DGCR8: variants seen among roughly 807,000 people sequenced by gnomAD.
DGCR8 encodes the protein microprocessor complex subunit DGCR8.
Under a neutral mutation model 78.5 loss-of-function variants are expected in DGCR8, and 14 were observed. The observed-to-expected ratio is 0.18, with a 90% confidence interval of 0.12 to 0.28. The LOEUF is 0.28. DGCR8 is among the 10% of genes least tolerant of loss of function. DGCR8 has a pLI of 1.00. For synonymous variants in DGCR8, 399 were observed against 402.4 expected, an observed-to-expected ratio of 0.99 and a Z score of 0.10; for missense variants, 702 against 1,022.5, an observed-to-expected ratio of 0.69 and a Z score of 4.28.
At chr22:20,091,271 G>A (rs2049555924) in intron 5 of DGCR8, among the ~76,000 whole-genome samples, 164 bp from the exon 6 acceptor site, 1 of 152,246 alleles carries the variant, frequency 6.6e-6, no homozygotes, top group African/African-American at 2.4e-5. Context: ...AATAATCTGA[G>A]CTGGTGTAGG....
In DGCR8 at chr22:20,090,177, G is replaced by C. The variant is rs2049537773; in HGVS notation, c.1225G>C (p.Asp409His). ...GADPGPPDEKDPLGAEAAPGA... is the reference protein window; with the variant it reads ...GADPGPPDEKHPLGAEAAPGA... Reference sequence around the variant, plus strand: ...TGACCCGGGGCCCCCGGACGAGAAAGACCCACTAGGGGCTGAGGCAGCCCC... The same window carrying C: ...TGACCCGGGGCCCCCGGACGAGAAACACCCACTAGGGGCTGAGGCAGCCCC... The change falls in exon 5 of 14, where the codon GAC becomes CAC. Residue 409 changes from aspartate (D) to histidine (H), a missense_variant. Physicochemically the swap from Asp to His is moderately conservative, Grantham distance 81. Around this residue, in one of 4 missense-constraint regions of DGCR8, gnomAD observed 119 missense variants for 126.1 expected, o/e 0.94. Transcript: ENST00000351989. The C allele has an allele frequency of 6.2e-7, 1 of 1,614,136 alleles. No individual in the cohort carries two copies. Among genetic ancestry groups the C allele is most frequent in the Admixed American group, 1.7e-5 (1 of 60,012 alleles).
rs1568952841 is a variant in DGCR8 at position 20,087,518 on chromosome 22, C to T, written c.880+197C>T. Reference sequence around the variant, plus strand: ...CTGATGCATGACCCAGATGCGGATCCTGGTGTGTGCTATGGAAACCACAGA... The same window carrying T: ...CTGATGCATGACCCAGATGCGGATCTTGGTGTGTGCTATGGAAACCACAGA... On this transcript the variant is annotated intron_variant, in intron 3 of 13. Transcript: ENST00000351989. The surrounding 1 kb of genome is among the most constrained non-coding windows in gnomAD (Gnocchi z 4.1). Among the ~76,000 whole-genome samples the T allele has an allele frequency of 6.6e-6, 1 of 152,054 alleles. No individual in the cohort carries two copies. The highest frequency in any genetic ancestry group is 1.5e-5 in the Non-Finnish European group (1 of 68,014).
At chr22:20,102,619 T>C (rs1320523665) in intron 9 of DGCR8, among the ~76,000 whole-genome samples, 1 of 152,204 alleles carries the variant, frequency 6.6e-6, no homozygotes, top group Non-Finnish European at 1.5e-5. Context: ...CCCTCACACC[T>C]TTCTCAGTCA....
intron 9 of DGCR8, among the ~76,000 whole-genome samples, chr22:20,103,492 C>T (rs917186195): frequency 2.0e-5 from 3 of 152,160 alleles, no homozygotes; most frequent in Non-Finnish European, 2.9e-5. Context: ...GTTTTCTTCT[C>T]TAATTTGTTA....
Position 20,110,388 on chromosome 22 carries a change from C to T in DGCR8, c.*280C>T, listed in dbSNP as rs914462237. 3 of 430,932 alleles carry T rather than the reference C, an allele frequency of 7.0e-6. No individual in the cohort carries two copies. The highest frequency in any genetic ancestry group is 8.4e-5 in the South Asian group (2 of 23,734). The allele number at this position is 430,932 out of a possible 1,614,324, so 26.7% of individuals were successfully genotyped here. ...GCTGGTGACTGTGGACAGTGGTGGACCCTGCTTCTGTGCACCTGCTGCAGG... is the reference window on the plus strand; with the variant it reads ...GCTGGTGACTGTGGACAGTGGTGGATCCTGCTTCTGTGCACCTGCTGCAGG... On this transcript the variant is annotated 3_prime_UTR_variant, in exon 14 of 14. Coordinates refer to ENST00000351989, the MANE Select transcript of DGCR8 (RefSeq NM_022720.7).
At chr22:20,101,983 T>C in intron 9 of DGCR8, 1 of 985,408 alleles carries the variant, frequency 1.0e-6, no homozygotes, top group Non-Finnish European at 1.2e-6. Flanking sequence ...ATCATTTCCT[T>C]TTCACAAAGC....
intron 9 of DGCR8, among the ~76,000 whole-genome samples, chr22:20,103,565 G>A (rs2049731276): frequency 6.6e-6 from 1 of 152,014 alleles, no homozygotes; most frequent in Non-Finnish European, 1.5e-5. Flanking sequence ...CTTGGGCATG[G>A]TATATGTTCC....
At chr22:20,100,989 A>G (rs1193542080) in intron 9 of DGCR8, among the ~76,000 whole-genome samples, 1 of 152,096 alleles carries the variant, frequency 6.6e-6, no homozygotes, top group Non-Finnish European at 1.5e-5. Context: ...CTCAGGAAAA[A>G]TTTTACTTAT....
intron 9 of DGCR8, chr22:20,100,169 C>G (rs4276104): frequency 5.6e-6 from 1 of 177,378 alleles, no homozygotes; most frequent in South Asian, 1.9e-4. Context: ...TGGGTTCAAG[C>G]GATTCTTCTG....
At chr22:20,093,658 C>A (rs1293381940) in intron 8 of DGCR8, among the ~76,000 whole-genome samples, 1 of 152,228 alleles carries the variant, frequency 6.6e-6, no homozygotes. Context: ...CCTGAGTCCT[C>A]CCACTCCATG....
In DGCR8 at chr22:20,090,134, G is replaced by A. The variant is rs201826893; in HGVS notation, c.1182G>A (p.Glu394=). 1.9e-6 allele frequency: 3 copies of A among 1,614,250 alleles called. No homozygotes were observed. Among genetic ancestry groups the A allele is most frequent in the East Asian group, 4.5e-5 (2 of 44,880 alleles). Residue 394 remains glutamate (E), a synonymous_variant, in exon 5 of 14, where the codon GAG becomes GAA. Transcript: ENST00000351989. ...RSAELEFPLD[E]PDSMGADPGP... The stretch of plus-strand genomic sequence containing the variant: ...CAGAGCTGGAGTTTCCCCTGGATGA[G>A]CCTGACTCTATGGGTGCTGACCCGG...
intron 5 of DGCR8, 113 bp from the exon 6 acceptor site, chr22:20,091,322 G>A (rs1026851700): frequency 7.6e-6 from 8 of 1,047,202 alleles, no homozygotes; most frequent in South Asian, 2.8e-5. Context: ...TGAAAGGGAC[G>A]GGGAAAGGAA....
chr22:20,084,578 C>T (rs902923342), intron 1 of DGCR8, among the ~76,000 whole-genome samples: 7 of 152,302 alleles, frequency 4.6e-5, no homozygotes, highest in Non-Finnish European at 5.9e-5. Flanking sequence ...CCTGGCCTTC[C>T]GTATCTGGAC....
At chr22:20,102,093 C>A (rs1018236736) in intron 9 of DGCR8, 194 of 827,278 alleles carry the variant, frequency 2.3e-4, no homozygotes, top group Non-Finnish European at 2.7e-4. Context: ...TTTTTTTTTT[C>A]ATCTTATTTT....
At chr22:20,099,950 T>A (rs9606247) in intron 9 of DGCR8, among the ~76,000 whole-genome samples, 20,004 of 152,170 alleles carry the variant, frequency 0.13, 1,702 homozygotes, top group Non-Finnish European at 0.19. Context: ...CTCTCAAGTT[T>A]CTACATGTTT....
intron 9 of DGCR8, chr22:20,100,381 CT>C: frequency 1.0e-6 from 1 of 985,368 alleles, no homozygotes; most frequent in Middle Eastern, 5.2e-4. Flanking sequence ...GATTTTATTT[CT>C]GAGTGACCCA....
In DGCR8 at chr22:20,087,057, G is replaced by A; in HGVS notation, c.721-105G>A. 2 of 1,447,802 alleles carry A rather than the reference G, an allele frequency of 1.4e-6. No homozygotes were observed. Among genetic ancestry groups the A allele is most frequent in the Non-Finnish European group, 1.9e-6 (2 of 1,072,490 alleles). The allele number at this position is 1,447,802 out of a possible 1,614,324, so 89.7% of individuals were successfully genotyped here. On this transcript the variant is annotated intron_variant, in intron 2 of 13. Coordinates refer to ENST00000351989, the MANE Select transcript of DGCR8 (RefSeq NM_022720.7). This position sits in a 1 kb window ranked among gnomAD's most constrained non-coding sequence, Gnocchi z 4.1. ...CCCTAAGGGCACATCTAGGCCCCCTGAGAGCACCTCCTTTCTGTGTCTGTT... is the reference window on the plus strand; with the variant it reads ...CCCTAAGGGCACATCTAGGCCCCCTAAGAGCACCTCCTTTCTGTGTCTGTT...
At chr22:20,088,566 C>T (rs2049516595) in intron 3 of DGCR8, among the ~76,000 whole-genome samples, 1 of 152,148 alleles carries the variant, frequency 6.6e-6, no homozygotes. Flanking sequence ...CCTGACTTAA[C>T]CTAAAGCTGG....
intron 9 of DGCR8, among the ~76,000 whole-genome samples, chr22:20,096,931 GT>G (rs528426348): frequency 2.0e-5 from 3 of 150,824 alleles, no homozygotes; most frequent in African/African-American, 7.3e-5. Context: ...AGATGATCAT[GT>G]TTTTTTTTGT....
Sources: gnomAD v4.1 joint callset for allele counts (sites outside exome capture counted in the v4.1 genomes callset) on GRCh38, gnomAD v4.1.1 for gene constraint, gnomAD v4.1.1 regional missense constraint, Gnocchi (gnomAD v3.1) non-coding constraint, MANE v1.5 for transcripts, NCBI Gene and HGNC (gene_info 2026-07-23, HGNC 2026-07-21) for gene names.